SDK2: variants seen among roughly 807,000 people sequenced by gnomAD.
The protein encoded by SDK2 is sidekick cell adhesion molecule 2.
In SDK2, 105 loss-of-function variants were observed where a neutral mutation model predicts 253.9. The ratio of observed to expected loss-of-function variants is 0.41; its 90% CI spans 0.35 to 0.49. The LOEUF (loss-of-function observed/expected upper bound fraction) is 0.49, where lower values mean the gene tolerates loss of function less well. SDK2 is among the 20% of genes least tolerant of loss of function. The pLI is 0.06. For missense variants in SDK2, 2,608 were observed against 3,003.0 expected (o/e 0.87, Z 3.07); for synonymous variants, 1,249 against 1,234.9 (o/e 1.01, Z -0.24).
intron 2 of SDK2, among the ~76,000 whole-genome samples, chr17:73,489,465 T>A (rs889416554): frequency 1.3e-4 from 20 of 152,114 alleles, no homozygotes; most frequent in African/African-American, 4.3e-4. Context: ...CAGGCAGGGA[T>A]TGGTGAGTTG....
chr17:73,527,121 G>A (rs904123384), intron 1 of SDK2, among the ~76,000 whole-genome samples: 3 of 152,200 alleles, frequency 2.0e-5, no homozygotes, highest in East Asian at 1.9e-4. Context: ...GAAGAGTGGG[G>A]CCACTGAGGA....
At chr17:73,623,192 A>G (rs2046155398) in intron 1 of SDK2, among the ~76,000 whole-genome samples, 1 of 152,196 alleles carries the variant, frequency 6.6e-6, no homozygotes, top group Non-Finnish European at 1.5e-5. Context: ...GCTATAGATA[A>G]CTATCTGTCA....
chr17:73,530,235 T>G (rs1253485431), intron 1 of SDK2, among the ~76,000 whole-genome samples: 5 of 152,240 alleles, frequency 3.3e-5, no homozygotes, highest in Non-Finnish European at 7.3e-5. Context: ...TGAAGAGGTT[T>G]AATTGACTCA....
At chr17:73,429,163 A>G (rs1343925701) in intron 12 of SDK2, among the ~76,000 whole-genome samples, 1 of 152,184 alleles carries the variant, frequency 6.6e-6, no homozygotes, top group East Asian at 1.9e-4. Flanking sequence ...GAATTTCCCT[A>G]TTAATGAATG....
At chr17:73,459,796 T>C (rs2063551924) in intron 3 of SDK2, among the ~76,000 whole-genome samples, 1 of 152,126 alleles carries the variant, frequency 6.6e-6, no homozygotes, top group South Asian at 2.1e-4. Context: ...CCCAAAGCAT[T>C]GGGATTACAG....
intron 1 of SDK2, among the ~76,000 whole-genome samples, chr17:73,587,499 G>A (rs1013207375): frequency 6.6e-6 from 1 of 152,210 alleles, no homozygotes; most frequent in African/African-American, 2.4e-5. Context: ...CCCTTTGGCC[G>A]CAGGGTGGCT....
In SDK2 at chr17:73,369,935, A is replaced by T. The variant is rs112715409; in HGVS notation, c.4981-1342T>A. On this transcript the variant is annotated intron_variant, in intron 36 of 44. Coordinates refer to ENST00000392650, the MANE Select transcript of SDK2 (RefSeq NM_001144952.2). ...CTGGGGTTACAGGCGCGAACCACCA[A>T]GCCCAGCCATTGTTTTCAATCATTT... Among the ~76,000 whole-genome samples the T allele has an allele frequency of 8.4e-3, 1,280 of 152,134 alleles. 11 individuals carry two copies. Among genetic ancestry groups the T allele is most frequent in the African/African-American group, 0.029 (1,209 of 41,504 alleles).
chr17:73,506,516 C>G lies in SDK2; in HGVS notation c.224+922G>C, dbSNP rs1448670958. 2.0e-5 allele frequency among the ~76,000 whole-genome samples: 3 copies of G among 152,210 alleles called. No homozygotes were observed. In the East Asian group the frequency reaches 5.8e-4, roughly 29 times the overall value. ...GCACTCCCTAAAGGAAAGGCTGGTT[C>G]TCCAGAAGGACAGATCAAGCAATGA... On this transcript the variant is annotated intron_variant, in intron 2 of 44. Transcript: ENST00000392650.
chr17:73,433,776 C>A lies in SDK2; in HGVS notation c.1268G>T (p.Cys423Phe). Residue 423 changes from cysteine (C) to phenylalanine (F), a missense_variant, in exon 10 of 45, where the codon TGT (cysteine) becomes TTT (phenylalanine). This residue lies in a region of SDK2 where 1,505 missense variants were observed against 1,859.1 expected (regional missense o/e 0.81). Transcript: ENST00000392650. ...TGGTCGGGGCGCCCCCGAGGTCTCACATGCTAGCACCACTGACATGCCATC... is the reference window on the plus strand; with the variant it reads ...TGGTCGGGGCGCCCCCGAGGTCTCAAATGCTAGCACCACTGACATGCCATC... ...VIDGMSVVLA[C>F]ETSGAPRPAI... is the part of the protein sequence containing the mutation. 6.2e-7 allele frequency: 1 copy of A among 1,608,342 alleles called. No homozygotes were observed. The highest frequency in any genetic ancestry group is 8.5e-7 in the Non-Finnish European group (1 of 1,177,340).
chr17:73,520,374 CTCTT>C (rs2064068533), intron 1 of SDK2: 1 of 152,302 alleles, frequency 6.6e-6, no homozygotes, highest in Non-Finnish European at 1.5e-5. Flanking sequence ...CACTTCCCCT[CTCTT>C]TCTTTCCGTT....
chr17:73,375,466 TG>T (rs2062770238), intron 36 of SDK2, among the ~76,000 whole-genome samples: 1 of 152,022 alleles, frequency 6.6e-6, no homozygotes, highest in African/African-American at 2.4e-5. Flanking sequence ...AGGCTGGTCT[TG>T]GACTCCTGGA....
intron 2 of SDK2, 76 bp from the exon 3 acceptor site, chr17:73,472,294 T>A: frequency 9.7e-7 from 1 of 1,026,724 alleles, no homozygotes; most frequent in Non-Finnish European, 1.5e-6. Flanking sequence ...GGCTCAGAGG[T>A]CAGAGGTCGC....
intron 1 of SDK2, among the ~76,000 whole-genome samples, chr17:73,583,752 A>G (rs1192025830): frequency 6.6e-6 from 1 of 151,850 alleles, no homozygotes; most frequent in Non-Finnish European, 1.5e-5. Context: ...GGGCAGGGAG[A>G]GTGCCAGGCT....
Position 73,431,585 on chromosome 17 carries a change from T to C in SDK2, c.1397A>G (p.His466Arg), listed in dbSNP as rs997544833. Residue 466 changes from histidine to arginine, a missense_variant, in exon 11 of 45, where the codon CAC (histidine) becomes CGC (arginine). His to Arg is a conservative substitution (Grantham distance 29). Coordinates refer to ENST00000392650, the MANE Select transcript of SDK2 (RefSeq NM_001144952.2). The surrounding 1 kb of genome is among the most constrained non-coding windows in gnomAD (Gnocchi z 5.6). ...ESGSLLISPT[H>R]ISDAGTYTCL... ...GGTGTAGGTCCCCGCATCGGAGATG[T>C]GTGTGGGGCTGATGAGGAGGCTGCC... The C allele has an allele frequency of 1.9e-6, 3 of 1,612,288 alleles. No homozygotes were observed. Among genetic ancestry groups the C allele is most frequent in the African/African-American group, 2.7e-5 (2 of 74,486 alleles).
chr17:73,351,112 CTTTT>C (rs11320990), intron 41 of SDK2, among the ~76,000 whole-genome samples: 1 of 146,032 alleles, frequency 6.8e-6, no homozygotes. Context: ...ACTTTTTCCC[CTTTT>C]TTTTTTTTTT....
chr17:73,584,560 C>T (rs2045579459), intron 1 of SDK2, among the ~76,000 whole-genome samples: 1 of 152,248 alleles, frequency 6.6e-6, no homozygotes, highest in African/African-American at 2.4e-5. Context: ...GAGTCAGCCC[C>T]TAGCACGTAC....
chr17:73,340,734 GTTTTTTT>G lies in SDK2; in HGVS notation c.6166-1801_6166-1795del, dbSNP rs10638504. Among the ~76,000 whole-genome samples, 11 of 77,558 alleles carry G rather than the reference GTTTTTTT, an allele frequency of 1.4e-4. 1 individual carries two copies. The East Asian group carries it at 1.9e-3, about 14-fold the overall frequency. The allele number at this position is 77,558 out of a possible 152,430, so 50.9% of individuals were successfully genotyped here. A position where few individuals can be genotyped will look rare whatever the true frequency, so the allele number is the denominator to read the frequency against. ...ATTTTCATGTAATGAAAACCTTAAA[GTTTTTTT>G]TTTTTTTTTTTTTTTTTTTGAGATG... On this transcript the variant is annotated intron_variant, in intron 44 of 44. Transcript: ENST00000392650.
In SDK2 at chr17:73,348,594, C is replaced by T. The variant is rs374117631; in HGVS notation, c.6165+5G>A. 6.2e-7 allele frequency: 1 copy of T among 1,612,014 alleles called. No individual in the cohort carries two copies. Among genetic ancestry groups the T allele is most frequent in the Non-Finnish European group, 8.5e-7 (1 of 1,179,482 alleles). Reference sequence around the variant, plus strand: ...CTGCAGGACACCTGGCCCTCCTGCCCTCACCTGAGAGTCGGAGATTTCTGA... The same window carrying T: ...CTGCAGGACACCTGGCCCTCCTGCCTTCACCTGAGAGTCGGAGATTTCTGA... On this transcript the variant is annotated splice_donor_5th_base_variant and intron_variant, in intron 44 of 44. Coordinates refer to ENST00000392650, the MANE Select transcript of SDK2 (RefSeq NM_001144952.2).
intron 2 of SDK2, among the ~76,000 whole-genome samples, chr17:73,479,654 A>T (rs1188668773): frequency 6.6e-6 from 1 of 152,194 alleles, no homozygotes; most frequent in East Asian, 1.9e-4. Context: ...TTTTTTAATC[A>T]CATTGCTGTA....
Sources: allele counts gnomAD v4.1 joint callset (sites outside exome capture counted in the v4.1 genomes callset), GRCh38; gene constraint gnomAD v4.1.1; regional missense constraint gnomAD v4.1.1; non-coding constraint Gnocchi (gnomAD v3.1); transcripts MANE v1.5; gene names NCBI Gene and HGNC (gene_info 2026-07-23, HGNC 2026-07-21).